The following CACNA2D1 variants were observed in gnomAD, a reference collection of about 807,000 sequenced individuals.
CACNA2D1 encodes calcium voltage-gated channel auxiliary subunit alpha2delta 1.
CACNA2D1 carries 53 observed loss-of-function variants against 171.5 expected under a neutral mutation model. The ratio of observed to expected loss-of-function variants is 0.31; its 90% CI spans 0.25 to 0.39. The LOEUF is 0.39. Among genes scored for constraint, CACNA2D1 ranks in the 10% least tolerant of loss-of-function variants. The probability of loss-of-function intolerance (pLI) is 1.00; values close to 1 mark genes in which losing one functional copy is unlikely to be tolerated. For synonymous variants in CACNA2D1, 442 were observed against 443.1 expected (o/e 1.00, Z 0.03); for missense variants, 903 against 1,299.8 (o/e 0.69, Z 4.69).
chr7:82,039,944 AT>A (rs1803741153), intron 10 of CACNA2D1, among the ~76,000 whole-genome samples: 1 of 152,194 alleles, frequency 6.6e-6, no homozygotes, highest in Non-Finnish European at 1.5e-5. Context: ...AGATGATTTT[AT>A]TTTCTGTGAA....
intron 3 of CACNA2D1, among the ~76,000 whole-genome samples, chr7:82,294,658 C>A (rs1465840599): frequency 6.6e-6 from 1 of 151,946 alleles, no homozygotes; most frequent in African/African-American, 2.4e-5. Flanking sequence ...ACAGAGGAAT[C>A]CCTGCAACAA....
upstream of CACNA2D1, chr7:82,443,904 A>G (rs1019557511): frequency 1.7e-4 from 48 of 281,900 alleles, no homozygotes; most frequent in Admixed American, 2.7e-4. Context: ...GGGGAATGGC[A>G]GGCAGAGAGA....
intron 11 of CACNA2D1, 86 bp downstream of exon 11, chr7:82,037,991 C>A: frequency 7.6e-7 from 1 of 1,307,614 alleles, no homozygotes; most frequent in Non-Finnish European, 1.1e-6. Context: ...CTATCTAATC[C>A]CAGAGAGTAG....
chr7:82,370,748 G>A (rs1585690596), intron 1 of CACNA2D1, among the ~76,000 whole-genome samples: 1 of 152,180 alleles, frequency 6.6e-6, no homozygotes, highest in Non-Finnish European at 1.5e-5. Flanking sequence ...AGTGTTCACT[G>A]AAACAGTATT....
chr7:82,047,055 G>A (rs1804635604), intron 10 of CACNA2D1, among the ~76,000 whole-genome samples: 1 of 151,814 alleles, frequency 6.6e-6, no homozygotes, highest in Admixed American at 6.6e-5. Context: ...CTGAATTTAG[G>A]ATCCCCCTGC....
At chr7:82,363,871 T>C (rs1003648650) in intron 1 of CACNA2D1, among the ~76,000 whole-genome samples, 2 of 152,160 alleles carry the variant, frequency 1.3e-5, no homozygotes, top group Non-Finnish European at 2.9e-5. Flanking sequence ...GGAGAATCAA[T>C]AGCCAGTGTC....
chr7:82,332,570 G>A (rs1320662998), intron 3 of CACNA2D1, among the ~76,000 whole-genome samples: 3 of 147,610 alleles, frequency 2.0e-5, no homozygotes, highest in Admixed American at 2.0e-4. Flanking sequence ...AAGAAAGAAC[G>A]AACAGAAAAT....
At chr7:82,000,628 T>G (rs933832612) in intron 18 of CACNA2D1, among the ~76,000 whole-genome samples, 1 of 152,030 alleles carries the variant, frequency 6.6e-6, no homozygotes, top group Non-Finnish European at 1.5e-5. Context: ...AGACGGGGTC[T>G]CGCTCTGTCA....
intron 1 of CACNA2D1, among the ~76,000 whole-genome samples, chr7:82,394,204 T>G (rs1825525857): frequency 6.6e-6 from 1 of 152,156 alleles, no homozygotes; most frequent in East Asian, 1.9e-4. Flanking sequence ...TACGTCTACC[T>G]GCATTTTAAA....
intron 4 of CACNA2D1, among the ~76,000 whole-genome samples, chr7:82,143,495 T>C (rs1401777156): frequency 6.6e-6 from 1 of 152,198 alleles, no homozygotes; most frequent in Non-Finnish European, 1.5e-5. Flanking sequence ...ATGCAATGTG[T>C]CTTTTAAGTG....
At chr7:82,355,687 TTTTATA>T (rs1457407765) in intron 1 of CACNA2D1, among the ~76,000 whole-genome samples, 11 of 152,082 alleles carry the variant, frequency 7.2e-5, no homozygotes, top group South Asian at 2.1e-4. Flanking sequence ...GTCTCTCTTC[TTTTATA>T]TTATTATCAT....
At chr7:82,277,432 C>T (rs1014339888) in intron 3 of CACNA2D1, among the ~76,000 whole-genome samples, 3 of 152,150 alleles carry the variant, frequency 2.0e-5, no homozygotes, top group African/African-American at 7.2e-5. Flanking sequence ...GAACTCCTGA[C>T]CTTGTGATCT....
intron 35 of CACNA2D1, 129 bp downstream of exon 35, chr7:81,962,311 T>G: frequency 1.3e-6 from 1 of 789,680 alleles, no homozygotes; most frequent in East Asian, 2.7e-5. Flanking sequence ...TTTCTAGCTC[T>G]AAAATTATGA....
chr7:82,027,414 C>T (rs1037495388), intron 12 of CACNA2D1, among the ~76,000 whole-genome samples: 3 of 151,628 alleles, frequency 2.0e-5, no homozygotes, highest in Non-Finnish European at 4.4e-5. Flanking sequence ...AAATTAATAC[C>T]TACTTGTCAA....
At chr7:82,408,147 A>G (rs1319050564) in intron 1 of CACNA2D1, among the ~76,000 whole-genome samples, 1 of 151,028 alleles carries the variant, frequency 6.6e-6, no homozygotes, top group Non-Finnish European at 1.5e-5. Flanking sequence ...CAGCCTTCTG[A>G]GTAGCTGGGA....
chr7:82,207,591 A>G (rs1400248731), intron 3 of CACNA2D1, among the ~76,000 whole-genome samples: 1 of 152,046 alleles, frequency 6.6e-6, no homozygotes, highest in Non-Finnish European at 1.5e-5. Flanking sequence ...TGGAGGCTGC[A>G]GTTTTTTCAG....
intron 1 of CACNA2D1, among the ~76,000 whole-genome samples, chr7:82,373,146 T>C (rs1488588352): frequency 6.6e-6 from 1 of 152,088 alleles, no homozygotes; most frequent in Non-Finnish European, 1.5e-5. Flanking sequence ...ATCATGCTAC[T>C]GCACTCCAGC....
chr7:82,204,821 G>T (rs1799845049), intron 3 of CACNA2D1, among the ~76,000 whole-genome samples: 1 of 152,148 alleles, frequency 6.6e-6, no homozygotes, highest in Admixed American at 6.5e-5. Context: ...GGCCTAGGGG[G>T]TGGAGTGTAA....
chr7:82,203,340 T>C (rs1329876359), intron 3 of CACNA2D1, among the ~76,000 whole-genome samples: 1 of 152,172 alleles, frequency 6.6e-6, no homozygotes, highest in East Asian at 1.9e-4. Context: ...AGTACCACTG[T>C]GTAGTGGACT....
Sources: allele counts gnomAD v4.1 joint callset (sites outside exome capture counted in the v4.1 genomes callset), GRCh38; gene constraint gnomAD v4.1.1; transcripts MANE v1.5; gene names NCBI Gene and HGNC (gene_info 2026-07-23, HGNC 2026-07-21).